Variants in TRIM13 observed in about 807,000 individuals in gnomAD.
TRIM13 encodes the protein tripartite motif containing 13.
Under a neutral mutation model 27.1 loss-of-function variants are expected in TRIM13, and 15 were observed. The observed-to-expected ratio is 0.55, with a 90% CI of 0.37 to 0.85. The LOEUF is 0.85. TRIM13 is among the 40% of genes least tolerant of loss of function. The pLI is 0.00. For synonymous variants in TRIM13, 193 were observed against 171.5 expected (o/e 1.13, Z -0.98); for missense variants, 402 against 472.2 (o/e 0.85, Z 1.38).
rs1023229660 is a variant in TRIM13 at position 50,013,955 on chromosome 13, C to T, written c.*791C>T. ...GAGACAACTAAAGGTATTGAAGGTA[C>T]TAATTAATTAGATTTCCAAAATTTT... On this transcript the variant is annotated 3_prime_UTR_variant, in exon 2 of 2. Transcript: ENST00000378182. The T allele has an allele frequency of 5.4e-5, 9 of 166,562 alleles. No homozygotes were observed. The highest frequency in any genetic ancestry group is 3.3e-4 in the Admixed American group (5 of 15,190). 10.3% of individuals were successfully genotyped at this position (166,562 alleles called of 1,614,324 possible). A position where few individuals can be genotyped will look rare whatever the true frequency, so the allele number is the denominator to read the frequency against.
Position 50,012,199 on chromosome 13 carries a change from ATC to A in TRIM13, c.264_265del (p.Pro89GlnfsTer20), listed in dbSNP as rs1875747438. 1 of 1,614,028 alleles carries A rather than the reference ATC, an allele frequency of 6.2e-7. No homozygotes were observed. The highest frequency in any genetic ancestry group is 1.3e-5 in the African/African-American group (1 of 74,926). ...TGTGGAAAAGTATAACAAGATCAAG[ATC>A]TCTCCCAAAATGCCAGTATGCAAAG... is the stretch of plus-strand genomic sequence containing the variant. ...GIVEKYNKIK[I>X]SPKMPVCKGH... On this transcript the variant is annotated frameshift_variant, in exon 2 of 2. Coordinates refer to ENST00000378182, the MANE Select transcript of TRIM13 (RefSeq NM_213590.3). LOFTEE classifies it high-confidence loss of function.
rs1355392114 is a variant in TRIM13, at chr13:50,015,105, A to T, written c.*1941A>T. The T allele has an allele frequency of 9.2e-4, 7 of 7,632 alleles. No individual in the cohort carries two copies. Among genetic ancestry groups the T allele is most frequent in the Non-Finnish European group, 2.3e-3 (6 of 2,616 alleles). The allele number at this position is 7,632 out of a possible 1,614,324, so 0.5% of individuals were successfully genotyped here. On this transcript the variant is annotated 3_prime_UTR_variant, in exon 2 of 2. Transcript: ENST00000378182. ...AAAAAAAAAAAAAAAATATATATATATATATATATATATATATATATATAT... is the reference window on the plus strand; with the variant it reads ...AAAAAAAAAAAAAAAATATATATATTTATATATATATATATATATATATAT...
chr13:50,012,287 T>G lies in TRIM13; in HGVS notation c.347T>G (p.Ile116Ser). 6.2e-7 allele frequency: 1 copy of G among 1,614,172 alleles called. No homozygotes were observed. The highest frequency in any genetic ancestry group is 1.1e-5 in the South Asian group (1 of 91,076). Reference sequence around the variant, plus strand: ...ACTGATATGCAGCTGATTTGTGGGATCTGTGCTACTCGTGGGGAGCACACC... The same window carrying G: ...ACTGATATGCAGCTGATTTGTGGGAGCTGTGCTACTCGTGGGGAGCACACC... ...CLTDMQLICG[I>S]CATRGEHTKH... is the part of the protein sequence containing the mutation. Residue 116 changes from isoleucine to serine, a missense_variant, in exon 2 of 2, where the codon ATC becomes AGC. Ile to Ser is a moderately radical substitution (Grantham distance 142, BLOSUM62 -2). This residue lies in a region of TRIM13 where 202 missense variants were observed against 277.5 expected (regional missense o/e 0.73). Coordinates refer to ENST00000378182, the MANE Select transcript of TRIM13 (RefSeq NM_213590.3).
In TRIM13 at chr13:50,017,117, G is replaced by A. The variant is rs983043203; in HGVS notation, c.*3953G>A. 6.0e-5 allele frequency: 10 copies of A among 166,996 alleles called. No homozygotes were observed. Among genetic ancestry groups the A allele is most frequent in the African/African-American group, 2.4e-4 (10 of 41,434 alleles). The allele number at this position is 166,996 out of a possible 1,614,324, so 10.3% of individuals were successfully genotyped here. A position where few individuals can be genotyped will look rare whatever the true frequency, so the allele number is the denominator to read the frequency against. On this transcript the variant is annotated 3_prime_UTR_variant, in exon 2 of 2. Coordinates refer to ENST00000378182, the MANE Select transcript of TRIM13 (RefSeq NM_213590.3). ...AGAGAGCCAGTCAAGCTAGTAGGCT[G>A]ATTGTGAAGAAAATCTAATACCTTA...
chr13:50,002,132 G>A (rs1355018857), intron 1 of TRIM13, among the ~76,000 whole-genome samples: 1 of 152,102 alleles, frequency 6.6e-6, no homozygotes, highest in African/African-American at 2.4e-5. Flanking sequence ...GCTTATGCTT[G>A]TAATCCCAGC....
rs1344514043 is a variant in TRIM13, at chr13:50,014,569, T to TA, written c.*1409dup. On this transcript the variant is annotated 3_prime_UTR_variant, in exon 2 of 2. Transcript: ENST00000378182. ...TAGTTAAGACTAATTTGACAACAGA[T>TA]AAAACAGTCTGTCAGCTATTACAAA... 6.0e-6 allele frequency: 1 copy of TA among 166,602 alleles called. No individual in the cohort carries two copies. The highest frequency in any genetic ancestry group is 1.5e-5 in the Non-Finnish European group (1 of 68,042). 10.3% of individuals were successfully genotyped at this position (166,602 alleles called of 1,614,324 possible). A position where few individuals can be genotyped will look rare whatever the true frequency, so the allele number is the denominator to read the frequency against.
chr13:49,998,739 A>C (rs933890871), intron 1 of TRIM13, among the ~76,000 whole-genome samples: 1 of 151,472 alleles, frequency 6.6e-6, no homozygotes, highest in Non-Finnish European at 1.5e-5. Context: ...GACCAGCCTG[A>C]CCAATATGGT....
Position 50,012,901 on chromosome 13 carries a change from A to C in TRIM13, c.961A>C (p.Ile321Leu). 6.2e-7 allele frequency: 1 copy of C among 1,613,838 alleles called. No homozygotes were observed. The highest frequency in any genetic ancestry group is 1.7e-5 in the Admixed American group (1 of 59,972). Residue 321 changes from isoleucine (I) to leucine (L), a missense_variant, in exon 2 of 2, where the codon ATC becomes CTC. This residue lies in a region of TRIM13 where 200 missense variants were observed against 194.7 expected (regional missense o/e 1.03). Coordinates refer to ENST00000378182, the MANE Select transcript of TRIM13 (RefSeq NM_213590.3). ...PWSFYKLFLL[I>L]LLLGLVIVFG... ...GAGCTTTTATAAGTTATTTTTGCTA[A>C]TCCTTCTGCTTGGCCTTGTCATTGT...
At position 50,015,541 on chromosome 13, in the gene TRIM13, CACG is replaced by C. The variant is rs1449809277; in HGVS notation, c.*2380_*2382del. 6 of 1,613,872 alleles carry C rather than the reference CACG, an allele frequency of 3.7e-6. No homozygotes were observed. Among genetic ancestry groups the C allele is most frequent in the Non-Finnish European group, 3.4e-6 (4 of 1,179,898 alleles). ...CTTTGAATGTGGGAGGGAAGATATT[CACG>C]ACAAGGTTTTCTACGATAAAGCAGT... On this transcript the variant is annotated 3_prime_UTR_variant, in exon 2 of 2. Coordinates refer to ENST00000378182, the MANE Select transcript of TRIM13 (RefSeq NM_213590.3).
In TRIM13 at chr13:50,012,747, C is replaced by G; in HGVS notation, c.807C>G (p.Pro269=). 1 of 1,614,020 alleles carries G rather than the reference C, an allele frequency of 6.2e-7. No homozygotes were observed. Among genetic ancestry groups the G allele is most frequent in the Non-Finnish European group, 8.5e-7 (1 of 1,180,002 alleles). The change falls in exon 2 of 2, where the codon CCC becomes CCG. Residue 269 remains proline, a synonymous_variant. Transcript: ENST00000378182. ...IKVIKETPLP[P]SNLPASPLMK... The stretch of plus-strand genomic sequence containing the variant: ...TAATCAAGGAAACTCCTTTACCTCC[C>G]TCTAATTTGCCTGCAAGCCCTTTAA...
At position 49,997,393 on chromosome 13, in the gene TRIM13, G is replaced by T. The variant is rs908237648; in HGVS notation, c.-377G>T. 2 of 152,194 alleles carry T rather than the reference G, an allele frequency of 1.3e-5. No homozygotes were observed. Among genetic ancestry groups the T allele is most frequent in the Non-Finnish European group, 1.5e-5 (1 of 68,154 alleles). The allele number at this position is 152,194 out of a possible 1,614,324, so 9.4% of individuals were successfully genotyped here. A position where few individuals can be genotyped will look rare whatever the true frequency, so the allele number is the denominator to read the frequency against. ...ACCTGCTCCGTCCGGAGCCTTCCTG[G>T]CCCCGCTACCAGCGTCTCCACATCC... On this transcript the variant is annotated 5_prime_UTR_variant, in exon 1 of 2. Transcript: ENST00000378182.
In TRIM13 at chr13:50,016,196, C is replaced by T. The variant is rs1000359371; in HGVS notation, c.*3032C>T. ...TATTCAAAATAATGTTTTGGGGTAACCAGTGGAGTTGGGTAGAATGACCAA... is the reference window on the plus strand; with the variant it reads ...TATTCAAAATAATGTTTTGGGGTAATCAGTGGAGTTGGGTAGAATGACCAA... On this transcript the variant is annotated 3_prime_UTR_variant, in exon 2 of 2. Transcript: ENST00000378182. 20 of 712,278 alleles carry T rather than the reference C, an allele frequency of 2.8e-5. No homozygotes were observed. Among genetic ancestry groups the T allele is most frequent in the African/African-American group, 2.7e-4 (15 of 55,582 alleles). 44.1% of individuals were successfully genotyped at this position (712,278 alleles called of 1,614,324 possible). A position where few individuals can be genotyped will look rare whatever the true frequency, so the allele number is the denominator to read the frequency against.
At chr13:50,002,812 G>C (rs769227221) in intron 1 of TRIM13, among the ~76,000 whole-genome samples, 2 of 152,022 alleles carry the variant, frequency 1.3e-5, no homozygotes, top group South Asian at 4.1e-4. Context: ...ACAGGTGTCT[G>C]CCACTGCTCC....
Position 50,012,640 on chromosome 13 carries a change from A to T in TRIM13, c.700A>T (p.Asn234Tyr), listed in dbSNP as rs777904665. ...TILQEQRMAF[N>Y]IAEAFKDVSE... Reference sequence around the variant, plus strand: ...CTTGCAGGAGCAACGGATGGCCTTTAACATTGCTGAGGCTTTCAAAGATGT... The same window carrying T: ...CTTGCAGGAGCAACGGATGGCCTTTTACATTGCTGAGGCTTTCAAAGATGT... The change falls in exon 2 of 2, where the codon AAC becomes TAC. Residue 234 changes from asparagine (N) to tyrosine (Y), a missense_variant. Physicochemically the swap from Asn to Tyr is moderately radical, Grantham distance 143 (BLOSUM62 -2). Around this residue, in one of 2 missense-constraint regions of TRIM13, gnomAD observed 200 missense variants for 194.7 expected, o/e 1.03. Transcript: ENST00000378182. 3.7e-6 allele frequency: 6 copies of T among 1,614,138 alleles called. No homozygotes were observed. Among genetic ancestry groups the T allele is most frequent in the Non-Finnish European group, 4.2e-6 (5 of 1,180,008 alleles).
At chr13:50,000,277 T>A (rs972751056) in intron 1 of TRIM13, among the ~76,000 whole-genome samples, 3 of 152,202 alleles carry the variant, frequency 2.0e-5, no homozygotes, top group Admixed American at 2.0e-4. Context: ...TGGTTAGAGT[T>A]CATAAAGTGA....
chr13:50,004,964 T>C (rs1874498733), intron 1 of TRIM13, among the ~76,000 whole-genome samples: 2 of 151,484 alleles, frequency 1.3e-5, no homozygotes, highest in African/African-American at 2.4e-5. Flanking sequence ...TAATCCCAGC[T>C]ACTCAGGAGG....
chr13:50,007,104 AC>A (rs1874817861), intron 1 of TRIM13, among the ~76,000 whole-genome samples: 1 of 150,200 alleles, frequency 6.7e-6, no homozygotes, highest in Non-Finnish European at 1.5e-5. Context: ...AACCGCTTGA[AC>A]CCGGGAGGCA....
At chr13:50,004,117 GAAT>G (rs1200665422) in intron 1 of TRIM13, among the ~76,000 whole-genome samples, 1 of 152,108 alleles carries the variant, frequency 6.6e-6, no homozygotes, top group Non-Finnish European at 1.5e-5. Flanking sequence ...TTTGAACAGT[GAAT>G]AATAATTTTG....
chr13:50,010,081 C>T (rs2138405090), intron 1 of TRIM13, among the ~76,000 whole-genome samples: 1 of 122,436 alleles, frequency 8.2e-6, no homozygotes, highest in South Asian at 2.8e-4. Context: ...CAAGGTCTCT[C>T]TCTGTTGCCC....
Sources: gnomAD v4.1 joint callset for allele counts (sites outside exome capture counted in the v4.1 genomes callset) on GRCh38, gnomAD v4.1.1 for gene constraint, gnomAD v4.1.1 regional missense constraint, MANE v1.5 for transcripts, NCBI Gene and HGNC (gene_info 2026-07-23, HGNC 2026-07-21) for gene names.